The following DPYSL3 variants were observed in gnomAD, a reference collection of about 807,000 sequenced individuals.
The protein encoded by DPYSL3 is dihydropyrimidinase-related protein 3.
A neutral mutation model predicts 66.1 loss-of-function variants in DPYSL3; 16 were observed. That is an observed-to-expected ratio of 0.24 (90% confidence interval 0.16 to 0.37). DPYSL3 has a LOEUF of 0.37. Ranked by LOEUF, DPYSL3 falls within the 10% of genes least tolerant of loss-of-function variation. The pLI is 1.00. For missense variants in DPYSL3, 738 were observed against 916.2 expected (o/e 0.81, Z 2.51); for synonymous variants, 338 against 345.1 (o/e 0.98, Z 0.23).
chr5:147,504,175 G>T (rs1014656010), intron 1 of DPYSL3, among the ~76,000 whole-genome samples: 1 of 152,166 alleles, frequency 6.6e-6, no homozygotes, highest in East Asian at 1.9e-4. Context: ...AGAATCAGCT[G>T]TAAGAGTCAC....
rs1206947997 is a variant in DPYSL3 at position 147,453,527 on chromosome 5, G to GA, written c.382-28565dup. 4.6e-6 allele frequency: 7 copies of GA among 1,525,334 alleles called. No individual in the cohort carries two copies. The East Asian group carries it at 1.8e-4, about 40-fold the overall frequency. The allele number at this position is 1,525,334 out of a possible 1,614,324, so 94.5% of individuals were successfully genotyped here. On this transcript the variant is annotated intron_variant, in intron 1 of 13. Coordinates refer to ENST00000343218, the MANE Select transcript of DPYSL3 (RefSeq NM_001197294.2). ...GACAGGGAGCGAGCGAGGAGGGAGG[G>GA]AGCAGCGGCGCCCGGACTCACCGTG...
chr5:147,485,342 T>C (rs893124898), intron 1 of DPYSL3, among the ~76,000 whole-genome samples: 13 of 152,212 alleles, frequency 8.5e-5, no homozygotes, highest in African/African-American at 3.1e-4. Context: ...CTCAGATTTT[T>C]AAGCCAAAGA....
chr5:147,445,945 A>G (rs1444587474), intron 1 of DPYSL3, among the ~76,000 whole-genome samples: 1 of 152,194 alleles, frequency 6.6e-6, no homozygotes, highest in African/African-American at 2.4e-5. Context: ...AAATCTATTA[A>G]TTAAGTCTAC....
At position 147,393,740 on chromosome 5, in the gene DPYSL3, G is replaced by A. The variant is rs535952012; in HGVS notation, c.*295C>T. Reference sequence around the variant, plus strand: ...TGTCATAAGATGCAGCACTACACACGCTCTCAACACTATGATAGAGCAGAC... The same window carrying A: ...TGTCATAAGATGCAGCACTACACACACTCTCAACACTATGATAGAGCAGAC... On this transcript the variant is annotated 3_prime_UTR_variant, in exon 14 of 14. Coordinates refer to ENST00000343218, the MANE Select transcript of DPYSL3 (RefSeq NM_001197294.2). 12 of 363,702 alleles carry A rather than the reference G, an allele frequency of 3.3e-5. No individual in the cohort carries two copies. The highest frequency in any genetic ancestry group is 1.2e-4 in the African/African-American group (6 of 48,390). The allele number at this position is 363,702 out of a possible 1,614,324, so 22.5% of individuals were successfully genotyped here.
chr5:147,456,170 C>T (rs927620256), intron 1 of DPYSL3, among the ~76,000 whole-genome samples: 1 of 152,166 alleles, frequency 6.6e-6, no homozygotes. Context: ...CAAAATAAAG[C>T]CTCTAAGATG....
At chr5:147,453,622 C>A in intron 1 of DPYSL3, 1 of 1,523,850 alleles carries the variant, frequency 6.6e-7, no homozygotes, top group Middle Eastern at 1.8e-4. Context: ...TGGCTCCCTC[C>A]CTCCTTCTTC....
chr5:147,478,616 A>G (rs541395102), intron 1 of DPYSL3, among the ~76,000 whole-genome samples: 2 of 152,054 alleles, frequency 1.3e-5, no homozygotes, highest in Admixed American at 6.6e-5. Flanking sequence ...TGAGCATGCC[A>G]TGCTCTCTCC....
At chr5:147,470,188 A>G (rs1259499864) in intron 1 of DPYSL3, among the ~76,000 whole-genome samples, 1 of 151,878 alleles carries the variant, frequency 6.6e-6, no homozygotes, top group Non-Finnish European at 1.5e-5. Flanking sequence ...CCTCTACCCA[A>G]TTCTGCCTCC....
chr5:147,402,304 A>T (rs1042507080), intron 8 of DPYSL3, among the ~76,000 whole-genome samples: 1 of 151,886 alleles, frequency 6.6e-6, no homozygotes, highest in African/African-American at 2.4e-5. Context: ...GGTTCCACAA[A>T]GTAAAATCCA....
chr5:147,412,832 A>C (rs1459404382), intron 5 of DPYSL3, 144 bp from the exon 6 acceptor site: 1 of 707,976 alleles, frequency 1.4e-6, no homozygotes, highest in East Asian at 2.7e-5. Flanking sequence ...TTACATAGGC[A>C]TGACCAAAGA....
At chr5:147,404,073 T>C (rs1174758358) in intron 8 of DPYSL3, among the ~76,000 whole-genome samples, 1 of 152,148 alleles carries the variant, frequency 6.6e-6, no homozygotes, top group African/African-American at 2.4e-5. Flanking sequence ...GGTGTGTGTG[T>C]GCGGCACTGG....
At chr5:147,418,667 C>T (rs771361469) in intron 2 of DPYSL3, 36 bp from the exon 3 acceptor site, 5 of 1,533,220 alleles carry the variant, frequency 3.3e-6, no homozygotes, top group African/African-American at 2.7e-5. Context: ...TGATCAAACA[C>T]TTGGTCATTT....
At chr5:147,408,105 T>C (rs558261533) in intron 7 of DPYSL3, among the ~76,000 whole-genome samples, 22 of 152,290 alleles carry the variant, frequency 1.4e-4, no homozygotes, top group East Asian at 5.8e-4. Context: ...TTGACTTTGC[T>C]CTAGGTGCTA....
intron 8 of DPYSL3, among the ~76,000 whole-genome samples, chr5:147,403,930 A>G (rs1168932800): frequency 6.6e-6 from 1 of 152,110 alleles, no homozygotes; most frequent in Non-Finnish European, 1.5e-5. Context: ...TTGTCCATGA[A>G]GTTTAAAATA....
chr5:147,464,799 G>A (rs976420621), intron 1 of DPYSL3, among the ~76,000 whole-genome samples: 2 of 152,074 alleles, frequency 1.3e-5, no homozygotes, highest in Non-Finnish European at 2.9e-5. Flanking sequence ...GACAATAATG[G>A]GTCTTACTGT....
In DPYSL3 at chr5:147,393,745, C is replaced by G. The variant is rs1380122409; in HGVS notation, c.*290G>C. 5.1e-6 allele frequency: 2 copies of G among 393,262 alleles called. No individual in the cohort carries two copies. Among genetic ancestry groups the G allele is most frequent in the Non-Finnish European group, 9.5e-6 (2 of 210,622 alleles). 24.4% of individuals were successfully genotyped at this position (393,262 alleles called of 1,614,324 possible). A position where few individuals can be genotyped will look rare whatever the true frequency, so the allele number is the denominator to read the frequency against. Reference sequence around the variant, plus strand: ...TAAGATGCAGCACTACACACGCTCTCAACACTATGATAGAGCAGACTCTTT... The same window carrying G: ...TAAGATGCAGCACTACACACGCTCTGAACACTATGATAGAGCAGACTCTTT... On this transcript the variant is annotated 3_prime_UTR_variant, in exon 14 of 14. Transcript: ENST00000343218.
intron 1 of DPYSL3, among the ~76,000 whole-genome samples, chr5:147,466,460 C>T (rs1753011212): frequency 6.6e-6 from 1 of 152,154 alleles, no homozygotes; most frequent in South Asian, 2.1e-4. Context: ...GCACTGAGCC[C>T]TAAATCACAA....
intron 1 of DPYSL3, among the ~76,000 whole-genome samples, chr5:147,436,426 T>C (rs1752415599): frequency 6.6e-6 from 1 of 152,204 alleles, no homozygotes; most frequent in Admixed American, 6.5e-5. Context: ...AAATGCTGTA[T>C]GTAAATATGT....
intron 1 of DPYSL3, among the ~76,000 whole-genome samples, chr5:147,500,389 G>A (rs575964523): frequency 2.0e-5 from 3 of 152,186 alleles, no homozygotes; most frequent in South Asian, 2.1e-4. Context: ...TGAGGTGGGC[G>A]GATCACCTGA....
Sources: allele counts gnomAD v4.1 joint callset (sites outside exome capture counted in the v4.1 genomes callset), GRCh38; gene constraint gnomAD v4.1.1; transcripts MANE v1.5; gene names NCBI Gene and HGNC (gene_info 2026-07-23, HGNC 2026-07-21).